Variants in RIT1 observed in about 807,000 individuals in gnomAD.
RIT1 encodes the protein GTP-binding protein Rit1.
In RIT1, 6 loss-of-function variants were observed where a neutral mutation model predicts 25.6. The observed-to-expected ratio is 0.23, with a 90% confidence interval of 0.13 to 0.46. RIT1 has a LOEUF of 0.46. Among genes scored for constraint, RIT1 ranks in the 20% least tolerant of loss-of-function variants. The pLI, the probability that RIT1 is intolerant of heterozygous loss-of-function variation, is 0.99. For missense variants in RIT1, 219 were observed against 284.4 expected (o/e 0.77, Z 1.65); for synonymous variants, 81 against 94.1 (o/e 0.86, Z 0.80).
rs1481977135 is a variant in RIT1, at chr1:155,898,524, T to C, written c.*1864A>G. ...AAAAAAAAAAAAAAAAAAAAATATA[T>C]ATATATATATATATATATATCTCTT... On this transcript the variant is annotated 3_prime_UTR_variant, in exon 6 of 6. Transcript: ENST00000368323. The C allele has an allele frequency of 9.8e-6, 1 of 102,312 alleles. No individual in the cohort carries two copies. Among genetic ancestry groups the C allele is most frequent in the Non-Finnish European group, 1.9e-5 (1 of 52,450 alleles). 6.3% of individuals were successfully genotyped at this position (102,312 alleles called of 1,614,324 possible).
chr1:155,909,921 CA>C (rs375935351), intron 3 of RIT1, among the ~76,000 whole-genome samples: 1,674 of 108,616 alleles, frequency 0.015, 51 homozygotes, highest in African/African-American at 0.056. Context: ...GACTCCATCT[CA>C]AAAAAAAAAA....
chr1:155,910,079 C>T (rs1238641517), intron 3 of RIT1: 1 of 195,502 alleles, frequency 5.1e-6, no homozygotes, highest in Non-Finnish European at 1.1e-5. Context: ...ACTTGTTTCT[C>T]TGCTTCCTTT....
intron 3 of RIT1, among the ~76,000 whole-genome samples, chr1:155,906,493 G>C (rs1185873124): frequency 6.6e-6 from 1 of 152,096 alleles, no homozygotes; most frequent in Admixed American, 6.6e-5. Context: ...AGGCACAGTG[G>C]TTCATGCCTG....
Position 155,898,489 on chromosome 1 carries a change from AT to A in RIT1, c.*1898del, listed in dbSNP as rs1267260097. On this transcript the variant is annotated 3_prime_UTR_variant, in exon 6 of 6. Transcript: ENST00000368323. ...GGCAACATAGTGAAACCTCATCTCT[AT>A]TTAAAAAAAAAAAAAAAAAAAAAAA... 2 of 90,060 alleles carry A rather than the reference AT, an allele frequency of 2.2e-5. No individual in the cohort carries two copies. The highest frequency in any genetic ancestry group is 9.0e-5 in the African/African-American group (2 of 22,142). 5.6% of individuals were successfully genotyped at this position (90,060 alleles called of 1,614,324 possible).
intron 3 of RIT1, among the ~76,000 whole-genome samples, chr1:155,905,514 T>C (rs897876962): frequency 1.3e-5 from 2 of 151,804 alleles, no homozygotes; most frequent in African/African-American, 4.8e-5. Context: ...CCCCATCTCT[T>C]AGGGGAAAAA....
intron 5 of RIT1, among the ~76,000 whole-genome samples, chr1:155,903,647 A>C (rs1287592153): frequency 6.6e-6 from 1 of 152,092 alleles, no homozygotes; most frequent in African/African-American, 2.4e-5. Flanking sequence ...TGAACATGTT[A>C]TATATAAATC....
chr1:155,902,836 C>G (rs1673339910), intron 5 of RIT1, among the ~76,000 whole-genome samples: 1 of 151,558 alleles, frequency 6.6e-6, no homozygotes, highest in Admixed American at 6.6e-5. Flanking sequence ...GAGTGAGACT[C>G]TGTCTCAAAA....
At chr1:155,900,747 A>C (rs1673296745) in intron 5 of RIT1, 129 bp from the exon 6 acceptor site, 2 of 679,128 alleles carry the variant, frequency 2.9e-6, no homozygotes, top group East Asian at 5.4e-5. Flanking sequence ...TACAGCACTA[A>C]TTTTTGTAAT....
chr1:155,902,757 C>T (rs529226805), intron 5 of RIT1, among the ~76,000 whole-genome samples: 6 of 151,368 alleles, frequency 4.0e-5, no homozygotes, highest in Non-Finnish European at 8.8e-5. Flanking sequence ...AGGAGAATCG[C>T]TTGAACTCAG....
In RIT1 at chr1:155,897,879, C is replaced by T. The variant is rs769844499; in HGVS notation, c.*2509G>A. ...AAGTGCATTAAAAAAATTATCCCCC[C>T]CTCCTCCTCCCCAAACATCACAGTA... On this transcript the variant is annotated 3_prime_UTR_variant, in exon 6 of 6. Coordinates refer to ENST00000368323, the MANE Select transcript of RIT1 (RefSeq NM_006912.6). 6.6e-6 allele frequency: 1 copy of T among 152,134 alleles called. No homozygotes were observed. The highest frequency in any genetic ancestry group is 2.4e-5 in the African/African-American group (1 of 41,366). 9.4% of individuals were successfully genotyped at this position (152,134 alleles called of 1,614,324 possible).
intron 3 of RIT1, among the ~76,000 whole-genome samples, chr1:155,907,372 TG>T (rs923279314): frequency 7.2e-5 from 11 of 151,990 alleles, no homozygotes; most frequent in Admixed American, 4.6e-4. Flanking sequence ...CCTGAGTAGC[TG>T]GGATTACAGG....
chr1:155,910,569 A>G, intron 2 of RIT1, 63 bp from the exon 3 acceptor site: 2 of 1,605,804 alleles, frequency 1.2e-6, no homozygotes, highest in Admixed American at 1.7e-5. Flanking sequence ...AATTTTAAGT[A>G]TTAACATTGC....
At position 155,899,468 on chromosome 1, in the gene RIT1, C is replaced by T. The variant is rs1228710483; in HGVS notation, c.*920G>A. On this transcript the variant is annotated 3_prime_UTR_variant, in exon 6 of 6. Coordinates refer to ENST00000368323, the MANE Select transcript of RIT1 (RefSeq NM_006912.6). Reference sequence around the variant, plus strand: ...AAGGGCCGAAAAAACATCTTGCCAGCTGTAGCTCTTTTACAGAGCACAAAG... The same window carrying T: ...AAGGGCCGAAAAAACATCTTGCCAGTTGTAGCTCTTTTACAGAGCACAAAG... 1 of 224,794 alleles carries T rather than the reference C, an allele frequency of 4.4e-6. No individual in the cohort carries two copies. Among genetic ancestry groups the T allele is most frequent in the East Asian group, 6.4e-5 (1 of 15,630 alleles). 13.9% of individuals were successfully genotyped at this position (224,794 alleles called of 1,614,324 possible).
At chr1:155,909,909 G>T (rs1015523094) in intron 3 of RIT1, among the ~76,000 whole-genome samples, 1 of 130,098 alleles carries the variant, frequency 7.7e-6, no homozygotes, top group East Asian at 2.3e-4. Context: ...GAGACAGTGC[G>T]AGACTCCATC....
chr1:155,908,873 A>T (rs1673514579), intron 3 of RIT1, among the ~76,000 whole-genome samples: 1 of 151,858 alleles, frequency 6.6e-6, no homozygotes, highest in Non-Finnish European at 1.5e-5. Context: ...TGAATCTCTG[A>T]ACAGTGTTCT....
chr1:155,903,880 C>T (rs1249111405), intron 5 of RIT1, among the ~76,000 whole-genome samples: 1 of 152,152 alleles, frequency 6.6e-6, no homozygotes, highest in Non-Finnish European at 1.5e-5. Context: ...AGTGGTGGCA[C>T]ACGCCTGTGG....
At chr1:155,907,915 C>A (rs900665500) in intron 3 of RIT1, among the ~76,000 whole-genome samples, 2 of 149,808 alleles carry the variant, frequency 1.3e-5, no homozygotes, top group African/African-American at 4.9e-5. Context: ...ACGGTGAAAC[C>A]CCGTCTCTAC....
At position 155,898,807 on chromosome 1, in the gene RIT1, G is replaced by T; in HGVS notation, c.*1581C>A. 5.2e-6 allele frequency: 1 copy of T among 191,012 alleles called. No individual in the cohort carries two copies. Among genetic ancestry groups the T allele is most frequent in the East Asian group, 8.3e-5 (1 of 12,092 alleles). The allele number at this position is 191,012 out of a possible 1,614,324, so 11.8% of individuals were successfully genotyped here. A position where few individuals can be genotyped will look rare whatever the true frequency, so the allele number is the denominator to read the frequency against. ...TATTTGGTAACAAAAATGTTTCCAG[G>T]AGTTTAAAAAGGGACCACTACTCAG... On this transcript the variant is annotated 3_prime_UTR_variant, in exon 6 of 6. Transcript: ENST00000368323.
intron 3 of RIT1, 170 bp downstream of exon 3, chr1:155,910,280 A>G (rs1313746886): frequency 5.0e-6 from 3 of 595,610 alleles, no homozygotes; most frequent in Non-Finnish European, 8.9e-6. Context: ...ATAAAGTCTG[A>G]AAAAAAAAGA....
Sources: allele counts gnomAD v4.1 joint callset (sites outside exome capture counted in the v4.1 genomes callset), GRCh38; gene constraint gnomAD v4.1.1; transcripts MANE v1.5; gene names NCBI Gene and HGNC (gene_info 2026-07-23, HGNC 2026-07-21).